Variants in VCL observed in about 807,000 individuals in gnomAD.
VCL encodes the protein epididymis luminal protein 114.
In VCL, 47 loss-of-function variants were observed where a neutral mutation model predicts 125.7. That is an observed-to-expected ratio of 0.37 (90% CI 0.30 to 0.48). VCL has a LOEUF of 0.48. VCL is among the 20% of genes least tolerant of loss of function. The probability of loss-of-function intolerance (pLI) is 0.99; values close to 1 mark genes in which losing one functional copy is unlikely to be tolerated. For missense variants in VCL, 1,069 were observed against 1,455.5 expected, an observed-to-expected ratio of 0.73 and a Z score of 4.32; for synonymous variants, 458 against 514.6, an observed-to-expected ratio of 0.89 and a Z score of 1.49.
intron 1 of VCL, among the ~76,000 whole-genome samples, chr10:74,005,836 TG>T (rs1840315141): frequency 1.3e-5 from 2 of 152,160 alleles, no homozygotes; most frequent in Non-Finnish European, 2.9e-5. Context: ...ATAGTTATAC[TG>T]TTTTTTTAAT....
Position 74,111,984 on chromosome 10 carries a change from G to GT in VCL, c.2822dup (p.Asp944Ter). 6.2e-7 allele frequency: 1 copy of GT among 1,614,186 alleles called. No homozygotes were observed. The highest frequency in any genetic ancestry group is 1.1e-5 in the South Asian group (1 of 91,082). ...TGCGGCCGATGCTGCTGGCTTCCCT[G>GT]TCCCCCCTGACATGGAAGACGATTA... is the stretch of plus-strand genomic sequence containing the variant. On this transcript the variant is annotated frameshift_variant, in exon 19 of 22. Transcript: ENST00000211998. LOFTEE classifies it high-confidence loss of function.
chr10:74,032,514 A>G (rs1840896496), intron 1 of VCL, among the ~76,000 whole-genome samples: 1 of 151,844 alleles, frequency 6.6e-6, no homozygotes, highest in Non-Finnish European at 1.5e-5. Context: ...CCTGGCCAAC[A>G]TGATGAAACC....
intron 2 of VCL, among the ~76,000 whole-genome samples, chr10:74,068,316 TTTC>T (rs775703822): frequency 3.9e-5 from 6 of 152,160 alleles, no homozygotes; most frequent in Non-Finnish European, 5.9e-5. Context: ...TCTTTCTTTT[TTTC>T]TTCTTCTTCT....
At chr10:74,116,661 AGTTAACAAGAG>A (rs1840314221) in intron 21 of VCL, among the ~76,000 whole-genome samples, 1 of 150,160 alleles carries the variant, frequency 6.7e-6, no homozygotes, top group Admixed American at 6.7e-5. Flanking sequence ...ACTCCAGCCT[AGTTAACAAGAG>A]TGAAACTCCG....
At chr10:74,006,975 A>G (rs1473896250) in intron 1 of VCL, among the ~76,000 whole-genome samples, 1 of 151,904 alleles carries the variant, frequency 6.6e-6, no homozygotes, top group African/African-American at 2.4e-5. Context: ...TTATTTATTT[A>G]TTTATTTTGA....
intron 2 of VCL, among the ~76,000 whole-genome samples, chr10:74,061,995 C>T (rs1841488542): frequency 6.6e-6 from 1 of 150,946 alleles, no homozygotes; most frequent in Non-Finnish European, 1.5e-5. Flanking sequence ...CCTCCTGGGC[C>T]CAAGTGATCC....
intron 8 of VCL, 117 bp downstream of exon 8, chr10:74,083,630 A>C: frequency 8.0e-7 from 1 of 1,247,860 alleles, no homozygotes; most frequent in Non-Finnish European, 1.1e-6. Context: ...GATAACAGAG[A>C]TATTATAGTC....
chr10:74,060,270 A>C (rs1841459064), intron 2 of VCL, among the ~76,000 whole-genome samples: 1 of 152,090 alleles, frequency 6.6e-6, no homozygotes, highest in Admixed American at 6.5e-5. Context: ...GTACCACTGC[A>C]CTCCACCCTG....
chr10:74,080,271 T>G (rs921826428), intron 6 of VCL, among the ~76,000 whole-genome samples: 6 of 152,248 alleles, frequency 3.9e-5, no homozygotes, highest in Admixed American at 3.9e-4. Flanking sequence ...TGACTATTGT[T>G]GGAGATTAGT....
At chr10:74,115,698 G>A (rs549820954) in intron 21 of VCL, among the ~76,000 whole-genome samples, 3 of 152,302 alleles carry the variant, frequency 2.0e-5, no homozygotes, top group East Asian at 1.9e-4. Context: ...AGGCTTTTCC[G>A]GGGCATGAGG....
chr10:74,024,582 G>A (rs1840736543), intron 1 of VCL, among the ~76,000 whole-genome samples: 1 of 150,178 alleles, frequency 6.7e-6, no homozygotes, highest in South Asian at 2.1e-4. Context: ...TTGCACTCTA[G>A]GCAACAAGAG....
At chr10:74,072,088 G>C (rs1055553445) in intron 4 of VCL, among the ~76,000 whole-genome samples, 3 of 152,128 alleles carry the variant, frequency 2.0e-5, no homozygotes, top group Non-Finnish European at 4.4e-5. Context: ...GAAAATCAAA[G>C]CTTTAGAGAA....
intron 1 of VCL, among the ~76,000 whole-genome samples, chr10:74,013,012 C>T (rs1840464475): frequency 6.6e-6 from 1 of 152,034 alleles, no homozygotes; most frequent in South Asian, 2.1e-4. Context: ...ACATATCTCC[C>T]CACCAGAGCC....
intron 11 of VCL, 98 bp from the exon 12 acceptor site, chr10:74,095,558 C>G: frequency 1.3e-6 from 2 of 1,517,072 alleles, no homozygotes; most frequent in Admixed American, 3.5e-5. Flanking sequence ...TGCACTCCAG[C>G]TTGGGTGATA....
rs1840150407 is a variant in VCL, at chr10:73,998,167, T to C, written c.-41T>C. 1 of 1,603,442 alleles carries C rather than the reference T, an allele frequency of 6.2e-7. No individual in the cohort carries two copies. Among genetic ancestry groups the C allele is most frequent in the Admixed American group, 1.7e-5 (1 of 59,130 alleles). ...CGGTTCCCGGCCCCGTGGATCCTACTTCTCTGTCGCCCGCGGTTCGCCGCC... is the reference window on the plus strand; with the variant it reads ...CGGTTCCCGGCCCCGTGGATCCTACCTCTCTGTCGCCCGCGGTTCGCCGCC... On this transcript the variant is annotated 5_prime_UTR_variant, in exon 1 of 22. Transcript: ENST00000211998.
At chr10:74,052,353 A>G (rs1350334194) in intron 2 of VCL, among the ~76,000 whole-genome samples, 2 of 150,908 alleles carry the variant, frequency 1.3e-5, no homozygotes, top group African/African-American at 4.9e-5. Context: ...TCTCCAAATA[A>G]ATGATTCAAT....
intron 21 of VCL, among the ~76,000 whole-genome samples, 178 bp downstream of exon 21, chr10:74,115,077 G>A (rs1840291270): frequency 6.6e-6 from 1 of 152,038 alleles, no homozygotes; most frequent in Non-Finnish European, 1.5e-5. Context: ...TCAGAAATTT[G>A]GAATTGGGGC....
Position 74,114,781 on chromosome 10 carries a change from A to T in VCL, c.3154-14A>T. 1 of 1,592,774 alleles carries T rather than the reference A, an allele frequency of 6.3e-7. No homozygotes were observed. The highest frequency in any genetic ancestry group is 8.5e-7 in the Non-Finnish European group (1 of 1,170,014). The stretch of plus-strand genomic sequence containing the variant: ...GCAAACAGAGAAACATACCAAATTA[A>T]ACTTTCTCTTTAGGTATGTGAGCGA... On this transcript the variant is annotated splice_polypyrimidine_tract_variant and intron_variant, in intron 20 of 21. Transcript: ENST00000211998.
intron 9 of VCL, 25 bp from the exon 10 acceptor site, chr10:74,089,998 G>A: frequency 1.2e-6 from 2 of 1,614,064 alleles, no homozygotes; most frequent in Non-Finnish European, 1.7e-6. Flanking sequence ...ATCACAGCGT[G>A]CTGCTTCTCC....
Sources: allele counts gnomAD v4.1 joint callset (sites outside exome capture counted in the v4.1 genomes callset), GRCh38; gene constraint gnomAD v4.1.1; transcripts MANE v1.5; gene names NCBI Gene and HGNC (gene_info 2026-07-23, HGNC 2026-07-21).